PKD2: variants seen among roughly 807,000 people sequenced by gnomAD.
PKD2 encodes polycystin-2.
PKD2 carries 48 observed loss-of-function variants against 105.9 expected under a neutral mutation model. The observed-to-expected ratio is 0.45, with a 90% CI of 0.36 to 0.58. The LOEUF (loss-of-function observed/expected upper bound fraction) is 0.58. PKD2 is among the 20% of genes least tolerant of loss of function. The pLI is 0.00. For missense variants in PKD2, 1,078 were observed against 1,255.3 expected (o/e 0.86, Z 2.13); for synonymous variants, 464 against 481.1 (o/e 0.96, Z 0.46).
In PKD2 at chr4:88,036,595, A is replaced by G. The variant is rs183917487; in HGVS notation, c.843+242A>G. 356 of 167,138 alleles carry G rather than the reference A, an allele frequency of 2.1e-3. 5 individuals are homozygous for G. Among genetic ancestry groups the G allele is most frequent in the Admixed American group, 0.021 (320 of 15,316 alleles). The allele number at this position is 167,138 out of a possible 1,614,324, so 10.4% of individuals were successfully genotyped here. On this transcript the variant is annotated intron_variant, in intron 3 of 14. Coordinates refer to ENST00000237596, the MANE Select transcript of PKD2 (RefSeq NM_000297.4). The stretch of plus-strand genomic sequence containing the variant: ...TCATATCTTACCTTATTTAATTTCT[A>G]TAGTCTAACTCTATAAGGTAAGTAC...
intron 1 of PKD2, 117 bp downstream of exon 1, chr4:88,008,445 G>T: frequency 1.6e-6 from 2 of 1,281,462 alleles, no homozygotes; most frequent in East Asian, 3.1e-5. Flanking sequence ...TCTGCGTTCC[G>T]CCTCCCTTGG....
chr4:88,018,301 T>C (rs574033611), intron 1 of PKD2, among the ~76,000 whole-genome samples: 1 of 152,182 alleles, frequency 6.6e-6, no homozygotes, highest in African/African-American at 2.4e-5. Flanking sequence ...AACTTACATA[T>C]TATTATAAGA....
rs115131802 is a variant in PKD2 at position 88,011,149 on chromosome 4, A to T, written c.595+2821A>T. Among the ~76,000 whole-genome samples the T allele has an allele frequency of 5.2e-3, 786 of 152,342 alleles. 3 individuals carry two copies. The highest frequency in any genetic ancestry group is 0.018 in the African/African-American group (743 of 41,580). On this transcript the variant is annotated intron_variant, in intron 1 of 14. Transcript: ENST00000237596. ...AGATTTAAAGATGAAGCCCAGATTT[A>T]AAAGTATCCTCAAGTATTTGTTTAT...
intron 2 of PKD2, among the ~76,000 whole-genome samples, chr4:88,031,448 TAACAA>T (rs1448094421): frequency 5.9e-5 from 9 of 152,206 alleles, no homozygotes; most frequent in Admixed American, 2.6e-4. Context: ...GTTATACAGC[TAACAA>T]AACAGTTAGT....
intron 13 of PKD2, among the ~76,000 whole-genome samples, chr4:88,068,334 G>A (rs1219584087): frequency 1.3e-5 from 2 of 152,168 alleles, no homozygotes; most frequent in South Asian, 2.1e-4. Flanking sequence ...GCTGGGCATG[G>A]TGGTGGGCAC....
intron 1 of PKD2, among the ~76,000 whole-genome samples, chr4:88,015,101 A>G (rs1441739891): frequency 1.3e-5 from 2 of 152,236 alleles, no homozygotes; most frequent in East Asian, 3.8e-4. Flanking sequence ...GAGGTGAAAG[A>G]TACACAATTA....
chr4:88,038,770 G>C lies in PKD2; in HGVS notation c.1094+269G>C, dbSNP rs2725220. Among the ~76,000 whole-genome samples the C allele has an allele frequency of 0.54, 82,440 of 151,976 alleles. 23,788 individuals carry two copies. Among genetic ancestry groups the C allele is most frequent in the African/African-American group, 0.76 (31,349 of 41,460 alleles). ...CCCCTCAAAAATTAATTATCTGAGC[G>C]TTTGAAAATTTCATTTAAGATGCCC... On this transcript the variant is annotated intron_variant, in intron 4 of 14. Transcript: ENST00000237596.
intron 12 of PKD2, among the ~76,000 whole-genome samples, chr4:88,067,225 A>G (rs1414475160): frequency 3.3e-5 from 5 of 152,206 alleles, no homozygotes; most frequent in Non-Finnish European, 2.9e-5. Context: ...GGGTTTTCAG[A>G]TTAGGGATGC....
At chr4:88,031,830 C>T (rs1727165255) in intron 2 of PKD2, among the ~76,000 whole-genome samples, 1 of 152,102 alleles carries the variant, frequency 6.6e-6, no homozygotes, top group South Asian at 2.1e-4. Context: ...TTATTCAATA[C>T]ATAAGAATTC....
At chr4:88,068,164 C>A in intron 13 of PKD2, 103 bp downstream of exon 13, 2 of 997,956 alleles carry the variant, frequency 2.0e-6, no homozygotes, top group South Asian at 1.3e-5. Flanking sequence ...TACTAATCAT[C>A]CAGCTTTTAA....
chr4:88,017,530 C>G lies in PKD2; in HGVS notation c.596-1928C>G, dbSNP rs150596813. On this transcript the variant is annotated intron_variant, in intron 1 of 14. Transcript: ENST00000237596. ...GTTCAACCGATTCTTCTGCCTCAGC[C>G]TCCCATGTAGCTGGGATTACAGGCG... is the stretch of plus-strand genomic sequence containing the variant. Among the ~76,000 whole-genome samples, 139 of 152,282 alleles carry G rather than the reference C, an allele frequency of 9.1e-4. 2 individuals are homozygous for G. The East Asian group carries it at 0.024, about 26-fold the overall frequency.
At chr4:88,025,817 A>T (rs1726941097) in intron 2 of PKD2, among the ~76,000 whole-genome samples, 1 of 151,888 alleles carries the variant, frequency 6.6e-6, no homozygotes, top group Non-Finnish European at 1.5e-5. Context: ...AGTTCTCATG[A>T]AATCTGGTTG....
intron 9 of PKD2, among the ~76,000 whole-genome samples, chr4:88,059,186 G>T (rs934976950): frequency 6.6e-6 from 1 of 152,100 alleles, no homozygotes; most frequent in African/African-American, 2.4e-5. Context: ...TAAAACAAAG[G>T]TGTGTTCCCT....
chr4:88,046,900 A>C (rs1427775438), intron 6 of PKD2, 30 bp downstream of exon 6: 1 of 1,242,874 alleles, frequency 8.0e-7, no homozygotes, highest in Non-Finnish European at 1.2e-6. Context: ...CAAATTTCCT[A>C]TTCTATTCTA....
chr4:88,026,807 G>A (rs1726974291), intron 2 of PKD2, among the ~76,000 whole-genome samples: 2 of 152,236 alleles, frequency 1.3e-5, no homozygotes. Context: ...GGCACCCTGT[G>A]TTCCAGCCAC....
At chr4:88,038,142 C>A in intron 3 of PKD2, 109 bp from the exon 4 acceptor site, 2 of 1,122,440 alleles carry the variant, frequency 1.8e-6, no homozygotes, top group Non-Finnish European at 2.7e-6. Context: ...TCTTATCACT[C>A]TACTATTTTC....
chr4:88,040,050 T>G (rs894508038), intron 4 of PKD2, among the ~76,000 whole-genome samples: 1 of 152,212 alleles, frequency 6.6e-6, no homozygotes, highest in South Asian at 2.1e-4. Flanking sequence ...CCAGACATTA[T>G]TTAAGAAGTT....
At chr4:88,067,478 T>C (rs914848699) in intron 12 of PKD2, among the ~76,000 whole-genome samples, 1 of 152,100 alleles carries the variant, frequency 6.6e-6, no homozygotes, top group African/African-American at 2.4e-5. Flanking sequence ...ACTGCAGGCA[T>C]GCATCACCAT....
intron 12 of PKD2, 118 bp downstream of exon 12, chr4:88,065,997 C>A (rs1720779321): frequency 2.7e-6 from 2 of 746,502 alleles, no homozygotes. Context: ...CACACTCTCT[C>A]TCTCTCTCAG....
Sources: allele counts gnomAD v4.1 joint callset (sites outside exome capture counted in the v4.1 genomes callset), GRCh38; gene constraint gnomAD v4.1.1; transcripts MANE v1.5; gene names NCBI Gene and HGNC (gene_info 2026-07-23, HGNC 2026-07-21).